The following ANKRD12 variants were observed in gnomAD, a reference collection of about 807,000 sequenced individuals.
ANKRD12 encodes the protein ankyrin repeat domain 12.
In ANKRD12, 85 loss-of-function variants were observed where a neutral mutation model predicts 183.4. The observed-to-expected ratio is 0.46, with a 90% CI of 0.39 to 0.56. The LOEUF is 0.56. Among genes scored for constraint, ANKRD12 ranks in the 20% least tolerant of loss-of-function variants. The probability of loss-of-function intolerance (pLI) is 0.00; values close to 1 mark genes in which losing one functional copy is unlikely to be tolerated. For missense variants in ANKRD12, 2,405 were observed against 2,357.1 expected, an observed-to-expected ratio of 1.02 and a Z score of -0.42; for synonymous variants, 914 against 800.2, an observed-to-expected ratio of 1.14 and a Z score of -2.40.
intron 8 of ANKRD12, among the ~76,000 whole-genome samples, chr18:9,246,798 G>A (rs750379346): frequency 2.0e-5 from 3 of 152,140 alleles, no homozygotes; most frequent in African/African-American, 4.8e-5. Context: ...TATGTGCCAG[G>A]TATATGTCAG....
At chr18:9,250,044 A>G (rs2038196492) in intron 8 of ANKRD12, 1 of 152,178 alleles carries the variant, frequency 6.6e-6, no homozygotes, top group African/African-American at 2.4e-5. Context: ...GGGGATAATA[A>G]CACCTGTTGT....
chr18:9,280,946 T>C lies in ANKRD12; in HGVS notation c.6009T>C (p.Cys2003=). ...TCTTCTCTTCTTTTAAATAGACCTG[T>C]CTTTTAATGAGGCAACAACATGAAG... is the stretch of plus-strand genomic sequence containing the variant. The part of the protein sequence containing the change: ...VDDKFDKLKT[C]LLMRQQHEAA... The change falls in exon 13 of 13, where the codon TGT becomes TGC. Residue 2003 remains cysteine (C), a synonymous_variant. Transcript: ENST00000262126. The C allele has an allele frequency of 6.2e-7, 1 of 1,610,298 alleles. No individual in the cohort carries two copies. Among genetic ancestry groups the C allele is most frequent in the Non-Finnish European group, 8.5e-7 (1 of 1,179,120 alleles).
At chr18:9,261,136 A>G (rs183523075) in intron 9 of ANKRD12, among the ~76,000 whole-genome samples, 147 of 152,260 alleles carry the variant, frequency 9.7e-4, no homozygotes, top group Non-Finnish European at 1.8e-3. Flanking sequence ...TGCTTCCTCA[A>G]TTCCCTGCCT....
chr18:9,264,651 TGAAA>T (rs558096408), intron 10 of ANKRD12, among the ~76,000 whole-genome samples: 94 of 152,178 alleles, frequency 6.2e-4, no homozygotes, highest in African/African-American at 2.1e-3. Context: ...AAGCAACAAA[TGAAA>T]GAAAGAAGCA....
At chr18:9,265,548 C>T (rs1015249753) in intron 10 of ANKRD12, among the ~76,000 whole-genome samples, 3 of 152,190 alleles carry the variant, frequency 2.0e-5, no homozygotes, top group Admixed American at 6.5e-5. Context: ...CTCCAACAGA[C>T]CTGCAGGTGA....
At chr18:9,208,559 C>CAT in intron 4 of ANKRD12, 98 bp from the exon 5 acceptor site, 1 of 986,158 alleles carries the variant, frequency 1.0e-6, no homozygotes, top group Non-Finnish European at 1.4e-6. Flanking sequence ...ACACATTTCT[C>CAT]ATATATATGT....
intron 1 of ANKRD12, among the ~76,000 whole-genome samples, chr18:9,170,081 A>C (rs552959106): frequency 6.6e-6 from 1 of 152,230 alleles, no homozygotes; most frequent in Admixed American, 6.5e-5. Flanking sequence ...CCGAGAGATC[A>C]GCTGTTAGTC....
chr18:9,168,443 C>G (rs1039176702), intron 1 of ANKRD12, among the ~76,000 whole-genome samples: 2 of 152,098 alleles, frequency 1.3e-5, no homozygotes, highest in Non-Finnish European at 2.9e-5. Flanking sequence ...CTGATTTAGT[C>G]TTGGGAGGAT....
intron 7 of ANKRD12, among the ~76,000 whole-genome samples, chr18:9,220,711 G>C (rs2036373681): frequency 6.6e-6 from 1 of 152,180 alleles, no homozygotes; most frequent in African/African-American, 2.4e-5. Context: ...TTTGGGTTTG[G>C]AGCTCAAAAG....
chr18:9,268,359 G>A (rs1251754725), intron 10 of ANKRD12, among the ~76,000 whole-genome samples: 2 of 152,188 alleles, frequency 1.3e-5, no homozygotes, highest in African/African-American at 2.4e-5. Flanking sequence ...GAACATCGAT[G>A]CAAAAATCCT....
chr18:9,210,302 G>A (rs1384420036), intron 5 of ANKRD12, among the ~76,000 whole-genome samples: 3 of 152,060 alleles, frequency 2.0e-5, no homozygotes, highest in Non-Finnish European at 2.9e-5. Context: ...CTTGAATACC[G>A]CTGTGGTATA....
intron 6 of ANKRD12, among the ~76,000 whole-genome samples, chr18:9,216,493 A>C (rs898590803): frequency 6.6e-6 from 1 of 152,216 alleles, no homozygotes; most frequent in Non-Finnish European, 1.5e-5. Flanking sequence ...TGGGGAGTCA[A>C]AAGTTATATG....
chr18:9,161,619 G>A (rs1372551507), intron 1 of ANKRD12, among the ~76,000 whole-genome samples: 4 of 151,742 alleles, frequency 2.6e-5, no homozygotes, highest in African/African-American at 7.3e-5. Context: ...CTTGTGATCC[G>A]CCCGCCTCGG....
At position 9,186,230 on chromosome 18, in the gene ANKRD12, A is replaced by G. The variant is rs373699794; in HGVS notation, c.87+3711A>G. On this transcript the variant is annotated intron_variant, in intron 2 of 12. Transcript: ENST00000262126. ...AAAAAGTGTGATTTCTTAAAAGTGTAGCAACAATAGCAAAAACCAAATACT... is the reference window on the plus strand; with the variant it reads ...AAAAAGTGTGATTTCTTAAAAGTGTGGCAACAATAGCAAAAACCAAATACT... Among the ~76,000 whole-genome samples the G allele has an allele frequency of 1.3e-4, 20 of 149,674 alleles. No homozygotes were observed. The Middle Eastern group carries it at 0.014, about 107-fold the overall frequency.
At chr18:9,183,368 A>G (rs1423959510) in intron 2 of ANKRD12, among the ~76,000 whole-genome samples, 1 of 152,114 alleles carries the variant, frequency 6.6e-6, no homozygotes, top group Admixed American at 6.5e-5. Context: ...TTGTCTTCCA[A>G]TCCATGAACA....
chr18:9,257,874 A>G lies in ANKRD12; in HGVS notation c.4607A>G (p.Asp1536Gly). The change falls in exon 9 of 13, where the codon GAT becomes GGT. Residue 1536 changes from aspartate to glycine, a missense_variant. By Grantham distance (94) the Asp-to-Gly change is moderately conservative (BLOSUM62 -1). This residue lies in a region of ANKRD12 where 1,983 missense variants were observed against 1,725.9 expected (regional missense o/e 1.15). Coordinates refer to ENST00000262126, the MANE Select transcript of ANKRD12 (RefSeq NM_015208.5). ...NAVQIISSAL[D>G]TDNESTKDTE... ...GTTCAGATTATTAGTTCTGCTTTAG[A>G]TACTGATAATGAATCTACAAAAGAT... 6.2e-7 allele frequency: 1 copy of G among 1,613,702 alleles called. No individual in the cohort carries two copies. Among genetic ancestry groups the G allele is most frequent in the Non-Finnish European group, 8.5e-7 (1 of 1,179,908 alleles).
At chr18:9,238,430 G>T (rs1055617092) in intron 8 of ANKRD12, among the ~76,000 whole-genome samples, 1 of 151,994 alleles carries the variant, frequency 6.6e-6, no homozygotes, top group Non-Finnish European at 1.5e-5. Flanking sequence ...ATTTCCACCT[G>T]GATTTCCTCA....
intron 10 of ANKRD12, among the ~76,000 whole-genome samples, chr18:9,268,861 AT>A (rs1753508276): frequency 6.6e-6 from 1 of 152,228 alleles, no homozygotes; most frequent in African/African-American, 2.4e-5. Context: ...ATGATTGTAT[AT>A]CTAGAAAACC....
At chr18:9,220,491 T>C (rs996930441) in intron 7 of ANKRD12, among the ~76,000 whole-genome samples, 1 of 152,144 alleles carries the variant, frequency 6.6e-6, no homozygotes, top group South Asian at 2.1e-4. Flanking sequence ...CTTTGATGTG[T>C]GTGAGTGAAA....
Sources: gnomAD v4.1 joint callset for allele counts (sites outside exome capture counted in the v4.1 genomes callset) on GRCh38, gnomAD v4.1.1 for gene constraint, gnomAD v4.1.1 regional missense constraint, MANE v1.5 for transcripts, NCBI Gene and HGNC (gene_info 2026-07-23, HGNC 2026-07-21) for gene names.